Variants in TMEM132C observed in about 807,000 individuals in gnomAD.
TMEM132C encodes the protein transmembrane protein 132C.
A neutral mutation model predicts 61.4 loss-of-function variants in TMEM132C; 29 were observed. The observed-to-expected ratio is 0.47, with a 90% CI of 0.35 to 0.64. The LOEUF is 0.64. TMEM132C is among the 30% of genes least tolerant of loss of function. The pLI, the probability that TMEM132C is intolerant of heterozygous loss-of-function variation, is 0.00. For synonymous variants in TMEM132C, 656 were observed against 633.1 expected, an observed-to-expected ratio of 1.04 and a Z score of -0.54; for missense variants, 1,408 against 1,476.9, an observed-to-expected ratio of 0.95 and a Z score of 0.76.
intron 1 of TMEM132C, among the ~76,000 whole-genome samples, chr12:128,311,812 C>CTGTCCACAT (rs1308328354): frequency 6.6e-6 from 1 of 152,270 alleles, no homozygotes; most frequent in Non-Finnish European, 1.5e-5. Flanking sequence ...CCCACGTCCA[C>CTGTCCACAT]TGTCCACATC....
intron 1 of TMEM132C, among the ~76,000 whole-genome samples, chr12:128,402,755 C>T (rs1342358537): frequency 6.6e-6 from 1 of 152,262 alleles, no homozygotes; most frequent in Non-Finnish European, 1.5e-5. Context: ...ACACTGACAC[C>T]ATGCAGTTAA....
In TMEM132C at chr12:128,291,084, A is replaced by C. The variant is rs1191115357; in HGVS notation, c.85+23597A>C. ...GGTGAGGTGAGGTCCTGCAGCTCTT[A>C]GGCCTCTAAAGAGCTGGATGACCCG... On this transcript the variant is annotated intron_variant, in intron 1 of 8. Coordinates refer to ENST00000435159, the MANE Select transcript of TMEM132C (RefSeq NM_001136103.3). 7.2e-5 allele frequency among the ~76,000 whole-genome samples: 11 copies of C among 152,292 alleles called. No homozygotes were observed. The East Asian group carries it at 2.1e-3, about 29-fold the overall frequency.
intron 3 of TMEM132C, among the ~76,000 whole-genome samples, chr12:128,545,476 C>A (rs781562439): frequency 1.3e-5 from 2 of 152,188 alleles, no homozygotes; most frequent in Non-Finnish European, 2.9e-5. Context: ...TGGGTATATA[C>A]CCAGTAATGG....
chr12:128,495,810 T>C (rs1871931075), intron 2 of TMEM132C, among the ~76,000 whole-genome samples: 1 of 152,158 alleles, frequency 6.6e-6, no homozygotes, highest in South Asian at 2.1e-4. Context: ...TGTCTTTTAA[T>C]TGGAGCATTT....
intron 3 of TMEM132C, among the ~76,000 whole-genome samples, chr12:128,578,497 C>T (rs1362153732): frequency 2.6e-5 from 4 of 152,302 alleles, no homozygotes; most frequent in East Asian, 1.9e-4. Context: ...GTCTACTTGT[C>T]GCCTTATTAT....
intron 2 of TMEM132C, among the ~76,000 whole-genome samples, chr12:128,534,543 T>C (rs1873449074): frequency 6.6e-6 from 1 of 152,170 alleles, no homozygotes; most frequent in South Asian, 2.1e-4. Context: ...GGCTGGAAGC[T>C]CCTCCCCTCC....
intron 2 of TMEM132C, among the ~76,000 whole-genome samples, chr12:128,493,446 G>A (rs1394012158): frequency 6.6e-6 from 1 of 152,130 alleles, no homozygotes; most frequent in African/African-American, 2.4e-5. Flanking sequence ...TGGGCAGTAT[G>A]GCCATTTTCA....
At chr12:128,373,552 A>G (rs549915584) in intron 1 of TMEM132C, among the ~76,000 whole-genome samples, 1 of 152,302 alleles carries the variant, frequency 6.6e-6, no homozygotes, top group Admixed American at 6.5e-5. Context: ...ATTGGGACCA[A>G]TTCCTCGTTG....
chr12:128,384,779 A>C (rs990214967), intron 1 of TMEM132C, among the ~76,000 whole-genome samples: 1 of 152,206 alleles, frequency 6.6e-6, no homozygotes, highest in Admixed American at 6.5e-5. Context: ...TGGCTTAGTG[A>C]GGGGACTTTA....
At chr12:128,625,960 A>G (rs1954011513) in intron 4 of TMEM132C, among the ~76,000 whole-genome samples, 1 of 152,116 alleles carries the variant, frequency 6.6e-6, no homozygotes, top group Non-Finnish European at 1.5e-5. Flanking sequence ...ACACATTTCC[A>G]TGTCATAGCA....
intron 1 of TMEM132C, among the ~76,000 whole-genome samples, chr12:128,368,231 G>A (rs1011261094): frequency 2.0e-5 from 3 of 152,190 alleles, no homozygotes; most frequent in Non-Finnish European, 4.4e-5. Flanking sequence ...TTGCAGCTCA[G>A]GACTAATTTG....
At chr12:128,471,690 T>G (rs902944189) in intron 2 of TMEM132C, among the ~76,000 whole-genome samples, 18 of 152,092 alleles carry the variant, frequency 1.2e-4, no homozygotes, top group African/African-American at 3.9e-4. Context: ...CTGTGTGACC[T>G]TGGGCAAATC....
Position 128,374,764 on chromosome 12 carries a change from AC to A in TMEM132C, c.86-39967del, listed in dbSNP as rs547725860. ...GTGAAACCCCATCTCTACTAAAAAT[AC>A]AAAAATTAGCCACGTGCGGTGGCAG... On this transcript the variant is annotated intron_variant, in intron 1 of 8. Transcript: ENST00000435159. Among the ~76,000 whole-genome samples the A allele has an allele frequency of 2.3e-3, 351 of 152,022 alleles. 3 individuals carry two copies. The highest frequency in any genetic ancestry group is 8.2e-3 in the African/African-American group (341 of 41,466).
intron 3 of TMEM132C, among the ~76,000 whole-genome samples, chr12:128,566,912 A>T (rs936158188): frequency 6.6e-6 from 1 of 152,234 alleles, no homozygotes; most frequent in African/African-American, 2.4e-5. Context: ...TGAAAATTAA[A>T]TTAATGTGCT....
chr12:128,294,158 G>A (rs1683709), intron 1 of TMEM132C: 35,439 of 154,554 alleles, frequency 0.23, 4,571 homozygotes, highest in East Asian at 0.5. Context: ...TTCACTAGAG[G>A]CGTCCTGACA....
At chr12:128,269,398 G>T (rs1870434759) in intron 1 of TMEM132C, among the ~76,000 whole-genome samples, 1 of 137,280 alleles carries the variant, frequency 7.3e-6, no homozygotes, top group Non-Finnish European at 1.5e-5. Context: ...TTTTACTTTT[G>T]ATTACGAGAG....
chr12:128,419,241 A>G (rs1466182857), intron 2 of TMEM132C, among the ~76,000 whole-genome samples: 1 of 152,236 alleles, frequency 6.6e-6, no homozygotes, highest in Non-Finnish European at 1.5e-5. Context: ...GTATTTGGGC[A>G]CCGTCTGCCT....
intron 1 of TMEM132C, among the ~76,000 whole-genome samples, chr12:128,354,857 C>G (rs1245433920): frequency 2.0e-5 from 3 of 152,200 alleles, no homozygotes; most frequent in Admixed American, 1.3e-4. Context: ...CCATCACCCC[C>G]TGTTCCACAG....
chr12:128,665,785 A>ATT (rs1954458116), intron 4 of TMEM132C, among the ~76,000 whole-genome samples: 1 of 145,094 alleles, frequency 6.9e-6, no homozygotes, highest in East Asian at 2.0e-4. Context: ...GCACTCACAC[A>ATT]CACAGGCACA....
Sources: allele counts gnomAD v4.1 joint callset (sites outside exome capture counted in the v4.1 genomes callset), GRCh38; gene constraint gnomAD v4.1.1; transcripts MANE v1.5; gene names NCBI Gene and HGNC (gene_info 2026-07-23, HGNC 2026-07-21).